SETD1B: variants seen among roughly 807,000 people sequenced by gnomAD.
SETD1B encodes the protein histone-lysine N-methyltransferase SETD1B.
A neutral mutation model predicts 148.0 loss-of-function variants in SETD1B; 7 were observed. The observed-to-expected ratio is 0.05, with a 90% CI of 0.03 to 0.09. The LOEUF (loss-of-function observed/expected upper bound fraction) is 0.09. Among genes scored for constraint, SETD1B ranks in the 10% least tolerant of loss-of-function variants. The probability of loss-of-function intolerance (pLI) is 1.00; values close to 1 mark genes in which losing one functional copy is unlikely to be tolerated. For missense variants in SETD1B, 2,155 were observed against 2,729.9 expected, an observed-to-expected ratio of 0.79 and a Z score of 4.69; for synonymous variants, 1,361 against 1,186.5, an observed-to-expected ratio of 1.15 and a Z score of -3.02.
chr12:121,808,399 C>T lies in SETD1B; in HGVS notation c.657+79C>T, dbSNP rs1875851163. On this transcript the variant is annotated intron_variant, in intron 5 of 16. Transcript: ENST00000604567. This position sits in a 1 kb window ranked among gnomAD's most constrained non-coding sequence, Gnocchi z 5.3. ...ACCTCTGGAAAGCCTCACCAACTCT[C>T]TTATGGGACCCCCAGCCTACCCCCA... 2.2e-6 allele frequency: 2 copies of T among 917,586 alleles called. No homozygotes were observed. Among genetic ancestry groups the T allele is most frequent in the Non-Finnish European group, 3.4e-6 (2 of 591,988 alleles). 56.8% of individuals were successfully genotyped at this position (917,586 alleles called of 1,614,324 possible).
chr12:121,823,771 C>A, intron 12 of SETD1B, 22 bp downstream of exon 12: 1 of 1,525,732 alleles, frequency 6.6e-7, no homozygotes, highest in Admixed American at 2.0e-5. Context: ...GCATGGGGGG[C>A]TCTGCACCTT....
In SETD1B at chr12:121,804,827, A is replaced by C; in HGVS notation, c.90A>C (p.Arg30Ser). The C allele has an allele frequency of 1.3e-6, 2 of 1,550,388 alleles. No homozygotes were observed. The highest frequency in any genetic ancestry group is 1.7e-6 in the Non-Finnish European group (2 of 1,146,644). ...PSGERRNHHWRSYKLMIDPAL... is the reference protein window; with the variant it reads ...PSGERRNHHWSSYKLMIDPAL... Reference sequence around the variant, plus strand: ...GCGAGAGGAGGAACCACCATTGGAGAAGTTACAAGTTGATGATTGACCCGG... The same window carrying C: ...GCGAGAGGAGGAACCACCATTGGAGCAGTTACAAGTTGATGATTGACCCGG... The change falls in exon 2 of 17, where the codon AGA (arginine) becomes AGC (serine). Residue 30 changes from arginine (R) to serine (S), a missense_variant. By Grantham distance (110) the Arg-to-Ser change is moderately radical. Coordinates refer to ENST00000604567, the MANE Select transcript of SETD1B (RefSeq NM_001353345.2). This position sits in a 1 kb window ranked among gnomAD's most constrained non-coding sequence, Gnocchi z 4.6.
Position 121,822,485 on chromosome 12 carries a change from T to C in SETD1B, c.3911-5T>C. On this transcript the variant is annotated splice_region_variant and splice_polypyrimidine_tract_variant and intron_variant, in intron 11 of 16. Coordinates refer to ENST00000604567, the MANE Select transcript of SETD1B (RefSeq NM_001353345.2). ...AATGTCTCGTGTTCGCTCACCTCTC[T>C]GCAGAACATGACCTGGAAGTGGAGC... is the stretch of plus-strand genomic sequence containing the variant. The C allele has an allele frequency of 6.5e-7, 1 of 1,538,582 alleles. No homozygotes were observed. Among genetic ancestry groups the C allele is most frequent in the Non-Finnish European group, 8.8e-7 (1 of 1,138,506 alleles).
chr12:121,822,622 C>T lies in SETD1B; in HGVS notation c.4043C>T (p.Pro1348Leu). Reference sequence around the variant, plus strand: ...CCTGAGACCACAGATGCCTCACACCCATCTGTCCCTCCGGAGCCCCTTGCC... The same window carrying T: ...CCTGAGACCACAGATGCCTCACACCTATCTGTCCCTCCGGAGCCCCTTGCC... ...PEPETTDASH[P>L]SVPPEPLAED... The change falls in exon 12 of 17, where the codon CCA becomes CTA. Residue 1348 changes from proline to leucine, a missense_variant. Physicochemically the swap from Pro to Leu is moderately conservative, Grantham distance 98 (BLOSUM62 -3). Around this residue, in one of 11 missense-constraint regions of SETD1B, gnomAD observed 862 missense variants for 873.8 expected, o/e 0.99. Coordinates refer to ENST00000604567, the MANE Select transcript of SETD1B (RefSeq NM_001353345.2). The T allele has an allele frequency of 6.4e-7, 1 of 1,551,418 alleles. No individual in the cohort carries two copies. The highest frequency in any genetic ancestry group is 8.7e-7 in the Non-Finnish European group (1 of 1,146,838).
At chr12:121,790,287 G>T in the SETD1B span, among the ~76,000 whole-genome samples, 2 of 152,232 alleles carry the variant, frequency 1.3e-5, no homozygotes, top group East Asian at 3.9e-4. Flanking sequence ...CCACCAGTCG[G>T]GAAGATGCCC....
Position 121,822,822 on chromosome 12 carries a change from C to T in SETD1B, c.4243C>T (p.Pro1415Ser). Reference protein sequence around the residue: ...GSPFSYPAPSPSLSSGGLPRT... With the variant: ...GSPFSYPAPSSSLSSGGLPRT... ...CCCCTTCTCCTACCCAGCCCCGTCC[C>T]CTAGCTTGAGCAGTGGGGGCCTCCC... The change falls in exon 12 of 17, where the codon CCT (proline) becomes TCT (serine). Residue 1415 changes from proline (P) to serine (S), a missense_variant. Physicochemically the swap from Pro to Ser is moderately conservative, Grantham distance 74 (BLOSUM62 -1). This residue lies in a region of SETD1B where 862 missense variants were observed against 873.8 expected (regional missense o/e 0.99). Coordinates refer to ENST00000604567, the MANE Select transcript of SETD1B (RefSeq NM_001353345.2). The T allele has an allele frequency of 3.3e-6, 5 of 1,500,918 alleles. No homozygotes were observed. Among genetic ancestry groups the T allele is most frequent in the Non-Finnish European group, 4.5e-6 (5 of 1,119,066 alleles). 93.0% of individuals were successfully genotyped at this position (1,500,918 alleles called of 1,614,324 possible).
chr12:121,819,419 T>C lies in SETD1B; in HGVS notation c.3434T>C (p.Ile1145Thr), dbSNP rs895805408. 2 of 1,551,766 alleles carry C rather than the reference T, an allele frequency of 1.3e-6. No homozygotes were observed. Among genetic ancestry groups the C allele is most frequent in the African/African-American group, 2.7e-5 (2 of 73,006 alleles). The change falls in exon 11 of 17, where the codon ATT becomes ACT. Residue 1145 changes from isoleucine to threonine, a missense_variant. This residue lies in a region of SETD1B where 862 missense variants were observed against 873.8 expected (regional missense o/e 0.99). Transcript: ENST00000604567. ...CCCCATCCAGAGGAGACAGTGAGCA[T>C]TGTAACCTCCAAGGCCGAAGCCACG... The part of the protein sequence containing the change: ...GDSDEEETVS[I>T]VTSKAEATSS...
the SETD1B span, chr12:121,793,507 A>G: frequency 6.5e-7 from 1 of 1,542,616 alleles, no homozygotes; most frequent in Non-Finnish European, 8.7e-7. Context: ...TCGGGGAAGG[A>G]GCCCTGGCTG....
Position 121,805,289 on chromosome 12 carries a change from C to G in SETD1B, c.273+73C>G. ...GTTCGAAAATAACGCCAGTCCTGAC[C>G]GAGCCCAGCCGGATTCCCAGTTCCC... On this transcript the variant is annotated intron_variant, in intron 3 of 16. Coordinates refer to ENST00000604567, the MANE Select transcript of SETD1B (RefSeq NM_001353345.2). The surrounding 1 kb of genome is among the most constrained non-coding windows in gnomAD (Gnocchi z 4.2). 7.9e-7 allele frequency: 1 copy of G among 1,264,068 alleles called. No homozygotes were observed. The allele number at this position is 1,264,068 out of a possible 1,614,324, so 78.3% of individuals were successfully genotyped here.
chr12:121,823,510 G>C lies in SETD1B; in HGVS notation c.4931G>C (p.Arg1644Pro), dbSNP rs1029023191. The part of the protein sequence containing the change: ...ELAKSRGPWR[R>P]PPKKRHEDLV... ...GCCAAGAGCCGGGGGCCGTGGCGCC[G>C]GCCACCTAAGAAGCGCCATGAGGAC... Residue 1644 changes from arginine (R) to proline (P), a missense_variant, in exon 12 of 17, where the codon CGG becomes CCG. Arg to Pro is a moderately radical substitution (Grantham distance 103). Transcript: ENST00000604567. 1 of 1,550,714 alleles carries C rather than the reference G, an allele frequency of 6.4e-7. No individual in the cohort carries two copies.
rs1273158192 is a variant in SETD1B at position 121,805,744 on chromosome 12, T to G, written c.274-91T>G. The G allele has an allele frequency of 8.0e-7, 1 of 1,252,478 alleles. No individual in the cohort carries two copies. Among genetic ancestry groups the G allele is most frequent in the Admixed American group, 2.8e-5 (1 of 35,216 alleles). The allele number at this position is 1,252,478 out of a possible 1,614,324, so 77.6% of individuals were successfully genotyped here. A position where few individuals can be genotyped will look rare whatever the true frequency, so the allele number is the denominator to read the frequency against. Reference sequence around the variant, plus strand: ...TTTACCCTTTATTGTTTTCAACGGGTGGGCGAGTTGCGGGCGGGGCGGGGG... The same window carrying G: ...TTTACCCTTTATTGTTTTCAACGGGGGGGCGAGTTGCGGGCGGGGCGGGGG... On this transcript the variant is annotated intron_variant, in intron 3 of 16. Transcript: ENST00000604567. This position sits in a 1 kb window ranked among gnomAD's most constrained non-coding sequence, Gnocchi z 4.2.
At chr12:121,797,549 C>T in the SETD1B span, 12 of 456,408 alleles carry the variant, frequency 2.6e-5, no homozygotes, top group East Asian at 6.9e-5. Context: ...GACACCGTGC[C>T]GAGAACCACA....
chr12:121,793,543 C>T, the SETD1B span: 3 of 1,546,054 alleles, frequency 1.9e-6, no homozygotes, highest in South Asian at 3.6e-5. Context: ...GAGGTCTTGC[C>T]GCAGCCGCCG....
chr12:121,793,717 C>A, the SETD1B span: 1 of 1,267,480 alleles, frequency 7.9e-7, no homozygotes, highest in Non-Finnish European at 1.0e-6. Context: ...CCGGAACCAG[C>A]CCCGCCCACT....
chr12:121,802,788 T>C (rs1473541851), upstream of SETD1B: 2 of 152,252 alleles, frequency 1.3e-5, no homozygotes, highest in East Asian at 1.9e-4. Flanking sequence ...CTTGGGCCTG[T>C]TGACAAATGT....
Position 121,823,361 on chromosome 12 carries a change from A to ACCCCCG in SETD1B, c.4784_4785insCCCGCC (p.Pro1597_Pro1598dup). On this transcript the variant is annotated inframe_insertion, in exon 12 of 17. Coordinates refer to ENST00000604567, the MANE Select transcript of SETD1B (RefSeq NM_001353345.2). ...TTCCCCCCCAGCCACCCCCACCCCC[A>ACCCCCG]CCTCCCCCACCTGTAGAGCCCACCA... The ACCCCCG allele has an allele frequency of 4.2e-6, 1 of 237,728 alleles. No homozygotes were observed. Among genetic ancestry groups the ACCCCCG allele is most frequent in the South Asian group, 6.7e-5 (1 of 14,818 alleles). 14.7% of individuals were successfully genotyped at this position (237,728 alleles called of 1,614,324 possible). A position where few individuals can be genotyped will look rare whatever the true frequency, so the allele number is the denominator to read the frequency against.
At chr12:121,793,216 C>T in the SETD1B span, 3 of 1,551,002 alleles carry the variant, frequency 1.9e-6, no homozygotes, top group East Asian at 2.4e-5. Context: ...CCGTGTACTT[C>T]TCGAACACCG....
intron 11 of SETD1B, among the ~76,000 whole-genome samples, chr12:121,821,814 G>T (rs1453981438): frequency 6.6e-6 from 1 of 152,210 alleles, no homozygotes; most frequent in Non-Finnish European, 1.5e-5. Context: ...GGTCGGGCAT[G>T]GTGGCTCACA....
rs1024590691 is a variant in SETD1B, at chr12:121,823,741, A to G, written c.5162A>G (p.Tyr1721Cys). ...TGGCTTAACGACACGCTCTGGGTCT[A>G]CCATCCCTATATCCTGCTGGCATGG... ...MDWLNDTLWV[Y>C]HPSTSLSSAK... The change falls in exon 12 of 17, where the codon TAC becomes TGC. Residue 1721 changes from tyrosine (Y) to cysteine (C), a missense_variant. By Grantham distance (194) the Tyr-to-Cys change is radical. This residue lies in a region of SETD1B where 96 missense variants were observed against 148.7 expected (regional missense o/e 0.65). Coordinates refer to ENST00000604567, the MANE Select transcript of SETD1B (RefSeq NM_001353345.2). The G allele has an allele frequency of 1.3e-6, 2 of 1,549,090 alleles. No individual in the cohort carries two copies. The highest frequency in any genetic ancestry group is 1.7e-6 in the Non-Finnish European group (2 of 1,145,738).
Sources: allele counts gnomAD v4.1 joint callset (sites outside exome capture counted in the v4.1 genomes callset), GRCh38; gene constraint gnomAD v4.1.1; regional missense constraint gnomAD v4.1.1; non-coding constraint Gnocchi (gnomAD v3.1); transcripts MANE v1.5; gene names NCBI Gene and HGNC (gene_info 2026-07-23, HGNC 2026-07-21).